Variants in TRABD2B observed in about 807,000 individuals in gnomAD.
TRABD2B encodes the protein metalloprotease TIKI2.
Under a neutral mutation model 40.1 loss-of-function variants are expected in TRABD2B, and 14 were observed. That is an observed-to-expected ratio of 0.35 (90% CI 0.23 to 0.55). The LOEUF (loss-of-function observed/expected upper bound fraction) is 0.55. TRABD2B is among the 20% of genes least tolerant of loss of function. The probability of loss-of-function intolerance (pLI) is 0.90; values close to 1 mark genes in which losing one functional copy is unlikely to be tolerated. For missense variants in TRABD2B, 541 were observed against 648.6 expected (o/e 0.83, Z 1.80); for synonymous variants, 263 against 277.0 (o/e 0.95, Z 0.50).
At chr1:47,795,907 C>T (rs1226290867) in intron 3 of TRABD2B, among the ~76,000 whole-genome samples, 1 of 152,190 alleles carries the variant, frequency 6.6e-6, no homozygotes, top group East Asian at 1.9e-4. Context: ...TCACCCCACA[C>T]TATACGCCCA....
At position 47,765,481 on chromosome 1, in the gene TRABD2B, A is replaced by G. The variant is rs1249486208; in HGVS notation, c.*421T>C. The stretch of plus-strand genomic sequence containing the variant: ...CTGCCCCTCCTGCTGAGGGCCCCAC[A>G]GTCGGAGAAGCCAAACCCAGACCCA... On this transcript the variant is annotated 3_prime_UTR_variant, in exon 7 of 7. Coordinates refer to ENST00000606738, the MANE Select transcript of TRABD2B (RefSeq NM_001194986.2). 1 of 165,618 alleles carries G rather than the reference A, an allele frequency of 6.0e-6. No homozygotes were observed. 10.3% of individuals were successfully genotyped at this position (165,618 alleles called of 1,614,324 possible).
chr1:47,794,812 T>G, intron 3 of TRABD2B, 52 bp from the exon 4 acceptor site: 1 of 1,384,294 alleles, frequency 7.2e-7, no homozygotes, highest in Non-Finnish European at 9.4e-7. Context: ...TTTTTTTTTT[T>G]GATAAAGGGT....
chr1:47,867,503 G>A (rs1256347616), intron 2 of TRABD2B, among the ~76,000 whole-genome samples: 2 of 152,192 alleles, frequency 1.3e-5, no homozygotes, highest in African/African-American at 4.8e-5. Flanking sequence ...TTTCTGGAAG[G>A]AAGGTGAGAA....
chr1:47,979,461 G>T (rs75994123), intron 2 of TRABD2B, among the ~76,000 whole-genome samples: 6,533 of 152,224 alleles, frequency 0.043, 476 homozygotes, highest in African/African-American at 0.15. Flanking sequence ...GCAGCAGCAG[G>T]GGTATGGTTT....
At position 47,760,535 on chromosome 1, in the gene TRABD2B, C is replaced by T. The variant is rs1270365278; in HGVS notation, c.*5367G>A. On this transcript the variant is annotated 3_prime_UTR_variant, in exon 7 of 7. Transcript: ENST00000606738. Reference sequence around the variant, plus strand: ...CACAGAAACACTAAGCCATTGAATTCATAATATCTTTTATTAATATATTAT... The same window carrying T: ...CACAGAAACACTAAGCCATTGAATTTATAATATCTTTTATTAATATATTAT... 1.3e-5 allele frequency: 2 copies of T among 152,158 alleles called. No homozygotes were observed. Among genetic ancestry groups the T allele is most frequent in the Non-Finnish European group, 2.9e-5 (2 of 68,026 alleles). 9.4% of individuals were successfully genotyped at this position (152,158 alleles called of 1,614,324 possible).
intron 2 of TRABD2B, among the ~76,000 whole-genome samples, chr1:47,879,795 T>C (rs1051715911): frequency 2.6e-5 from 4 of 152,144 alleles, no homozygotes; most frequent in Non-Finnish European, 5.9e-5. Flanking sequence ...GAAGTGAGAG[T>C]GGGGAGACCC....
At chr1:47,868,590 C>G (rs939551523) in intron 2 of TRABD2B, among the ~76,000 whole-genome samples, 2 of 152,172 alleles carry the variant, frequency 1.3e-5, no homozygotes, top group Non-Finnish European at 2.9e-5. Context: ...GTGAACTGCA[C>G]ATGTGAGGGA....
intron 2 of TRABD2B, among the ~76,000 whole-genome samples, chr1:47,963,211 T>A (rs924407273): frequency 6.6e-6 from 1 of 152,212 alleles, no homozygotes; most frequent in African/African-American, 2.4e-5. Context: ...AGGGACCATC[T>A]CACAAATAGG....
intron 2 of TRABD2B, among the ~76,000 whole-genome samples, chr1:47,892,711 G>A (rs1377150541): frequency 6.6e-6 from 1 of 152,158 alleles, no homozygotes; most frequent in Non-Finnish European, 1.5e-5. Flanking sequence ...GAAAGATAAG[G>A]ACTGAAAATG....
intron 2 of TRABD2B, among the ~76,000 whole-genome samples, chr1:47,885,477 CA>C (rs1305285742): frequency 6.6e-6 from 1 of 152,156 alleles, no homozygotes; most frequent in African/African-American, 2.4e-5. Context: ...CTGCATCGGC[CA>C]TCTGGTAACT....
intron 2 of TRABD2B, among the ~76,000 whole-genome samples, chr1:47,822,735 A>G (rs1456079562): frequency 1.3e-5 from 2 of 152,202 alleles, no homozygotes; most frequent in East Asian, 1.9e-4. Context: ...ATCACAATAC[A>G]TGGTTGTGAT....
chr1:47,777,113 TAGG>T (rs1185818275), intron 5 of TRABD2B, among the ~76,000 whole-genome samples: 1 of 152,096 alleles, frequency 6.6e-6, no homozygotes, highest in Non-Finnish European at 1.5e-5. Context: ...CTGAGATGAA[TAGG>T]AGGCTCGCTA....
In TRABD2B at chr1:47,768,143, C is replaced by T. The variant is rs371702010; in HGVS notation, c.1350-2037G>A. 1.9e-3 allele frequency among the ~76,000 whole-genome samples: 293 copies of T among 152,316 alleles called. 2 individuals are homozygous for T. The highest frequency in any genetic ancestry group is 6.5e-3 in the African/African-American group (271 of 41,568). On this transcript the variant is annotated intron_variant, in intron 6 of 6. Transcript: ENST00000606738. ...ATCCCTCTCTCCCTTTACTTTCTTC[C>T]GGTGATGCTCTGGCCTTCAGCACCC...
intron 2 of TRABD2B, among the ~76,000 whole-genome samples, chr1:47,858,951 C>G (rs1643927249): frequency 6.6e-6 from 1 of 152,206 alleles, no homozygotes; most frequent in Non-Finnish European, 1.5e-5. Flanking sequence ...GCAAACCTGT[C>G]TGCTCCTTAA....
intron 2 of TRABD2B, among the ~76,000 whole-genome samples, chr1:47,962,241 A>C (rs1364323032): frequency 1.3e-5 from 2 of 152,084 alleles, no homozygotes; most frequent in Non-Finnish European, 2.9e-5. Context: ...GAGGGATAGC[A>C]TTAGGAGATA....
chr1:47,970,831 G>A (rs905261882), intron 2 of TRABD2B, among the ~76,000 whole-genome samples: 7 of 152,258 alleles, frequency 4.6e-5, no homozygotes, highest in African/African-American at 7.2e-5. Flanking sequence ...GCAGAGGCAC[G>A]AGAGGATGAG....
chr1:47,931,747 A>G (rs1312512611), intron 2 of TRABD2B, among the ~76,000 whole-genome samples: 1 of 152,170 alleles, frequency 6.6e-6, no homozygotes, highest in Non-Finnish European at 1.5e-5. Context: ...TGCTACAGAC[A>G]GCAAAATGGC....
At chr1:47,929,365 C>T (rs1645010063) in intron 2 of TRABD2B, among the ~76,000 whole-genome samples, 1 of 152,146 alleles carries the variant, frequency 6.6e-6, no homozygotes, top group Non-Finnish European at 1.5e-5. Context: ...CTGTGCCATC[C>T]CCTGGTCATA....
In TRABD2B at chr1:47,879,479, T is replaced by C. The variant is rs187430974; in HGVS notation, c.667-77860A>G. ...TAGGCTATATCAGACAGCCTAGGTG[T>C]GTAAAAGGCTACACCACACCTTCTA... On this transcript the variant is annotated intron_variant, in intron 2 of 6. Transcript: ENST00000606738. Among the ~76,000 whole-genome samples the C allele has an allele frequency of 3.3e-5, 5 of 152,340 alleles. No individual in the cohort carries two copies. In the East Asian group the frequency reaches 9.6e-4, roughly 29 times the overall value.
Sources: allele counts gnomAD v4.1 joint callset (sites outside exome capture counted in the v4.1 genomes callset), GRCh38; gene constraint gnomAD v4.1.1; transcripts MANE v1.5; gene names NCBI Gene and HGNC (gene_info 2026-07-23, HGNC 2026-07-21).